The following MEMO1 variants were observed in gnomAD, a reference collection of about 807,000 sequenced individuals.
MEMO1 encodes protein MEMO1.
MEMO1 carries 6 observed loss-of-function variants against 45.2 expected under a neutral mutation model. The ratio of observed to expected loss-of-function variants is 0.13; its 90% CI spans 0.07 to 0.26. The LOEUF (loss-of-function observed/expected upper bound fraction) is 0.26, where lower values mean the gene tolerates loss of function less well. Ranked by LOEUF, MEMO1 falls within the 10% of genes least tolerant of loss-of-function variation. MEMO1 has a pLI of 1.00. For synonymous variants in MEMO1, 78 were observed against 124.3 expected, an observed-to-expected ratio of 0.63 and a Z score of 2.48; for missense variants, 184 against 370.5, an observed-to-expected ratio of 0.50 and a Z score of 4.13.
intron 4 of MEMO1, among the ~76,000 whole-genome samples, chr2:31,928,383 A>T (rs1683427685): frequency 6.6e-6 from 1 of 152,102 alleles, no homozygotes; most frequent in Admixed American, 6.5e-5. Context: ...TCTCTACTAA[A>T]AATAAAAAAA....
intron 4 of MEMO1, among the ~76,000 whole-genome samples, chr2:31,931,593 T>C (rs1481413422): frequency 4.6e-5 from 7 of 152,138 alleles, no homozygotes; most frequent in Non-Finnish European, 8.8e-5. Flanking sequence ...CATTGAATTA[T>C]TAAGAGTTAA....
At chr2:31,926,604 T>G (rs556090941) in intron 4 of MEMO1, among the ~76,000 whole-genome samples, 66 of 152,108 alleles carry the variant, frequency 4.3e-4, no homozygotes, top group Non-Finnish European at 8.2e-4. Context: ...ATCCCAGCAC[T>G]TTGGGAGGCC....
intron 2 of MEMO1, among the ~76,000 whole-genome samples, chr2:31,996,285 C>A (rs1157000609): frequency 6.6e-6 from 1 of 151,972 alleles, no homozygotes; most frequent in East Asian, 1.9e-4. Flanking sequence ...CGGTGGCTCA[C>A]ACCTGTAATC....
At chr2:31,945,986 G>A (rs1666149329) in intron 2 of MEMO1, among the ~76,000 whole-genome samples, 1 of 152,112 alleles carries the variant, frequency 6.6e-6, no homozygotes, top group Non-Finnish European at 1.5e-5. Context: ...CATTCTTTTG[G>A]TCTTTGCAAT....
intron 6 of MEMO1, among the ~76,000 whole-genome samples, chr2:31,908,859 T>C (rs765200083): frequency 1.3e-5 from 2 of 152,190 alleles, no homozygotes; most frequent in Non-Finnish European, 2.9e-5. Flanking sequence ...TCCAGCCCCC[T>C]CCAGCCTTCT....
intron 9 of MEMO1, among the ~76,000 whole-genome samples, chr2:31,869,465 T>C (rs1289440934): frequency 2.0e-5 from 3 of 152,026 alleles, no homozygotes; most frequent in African/African-American, 7.2e-5. Context: ...ACATTTAAAG[T>C]TTAAGAGCAG....
At chr2:31,898,964 A>G (rs190100632) in intron 6 of MEMO1, among the ~76,000 whole-genome samples, 163 of 152,254 alleles carry the variant, frequency 1.1e-3, no homozygotes, top group African/African-American at 3.6e-3. Flanking sequence ...ACCATTATGT[A>G]ATGGCCTTCT....
At chr2:31,996,099 A>G (rs907411259) in intron 2 of MEMO1, among the ~76,000 whole-genome samples, 1 of 152,072 alleles carries the variant, frequency 6.6e-6, no homozygotes, top group African/African-American at 2.4e-5. Context: ...TATAAAATCA[A>G]AAATACATAA....
chr2:32,005,257 C>T (rs1364652617), intron 2 of MEMO1, among the ~76,000 whole-genome samples: 2 of 144,612 alleles, frequency 1.4e-5, no homozygotes, highest in Non-Finnish European at 3.0e-5. Context: ...GAAGTTGAGG[C>T]TGCAGTGAGC....
At chr2:31,913,528 T>C (rs1055521020) in intron 6 of MEMO1, among the ~76,000 whole-genome samples, 1 of 151,886 alleles carries the variant, frequency 6.6e-6, no homozygotes, top group African/African-American at 2.4e-5. Context: ...TTTTTTTTTT[T>C]TTTTATTTTT....
chr2:31,931,029 T>C (rs1027013106), intron 4 of MEMO1, among the ~76,000 whole-genome samples: 1 of 152,078 alleles, frequency 6.6e-6, no homozygotes, highest in Non-Finnish European at 1.5e-5. Context: ...ATATTAAGCA[T>C]GTATCAAGGA....
chr2:31,914,940 G>GA (rs1681198966), intron 6 of MEMO1, among the ~76,000 whole-genome samples: 1 of 135,298 alleles, frequency 7.4e-6, no homozygotes, highest in African/African-American at 2.8e-5. Flanking sequence ...CTGGGTGACA[G>GA]AATGAGACCC....
At chr2:31,963,530 C>A (rs773053988) in intron 2 of MEMO1, among the ~76,000 whole-genome samples, 1 of 152,146 alleles carries the variant, frequency 6.6e-6, no homozygotes, top group Non-Finnish European at 1.5e-5. Context: ...ATTATTTATC[C>A]TTTTTCTATA....
chr2:31,987,718 AATG>A (rs1378109184), intron 2 of MEMO1, among the ~76,000 whole-genome samples: 1 of 152,198 alleles, frequency 6.6e-6, no homozygotes, highest in Non-Finnish European at 1.5e-5. Flanking sequence ...CAAAAATGAT[AATG>A]ATGATATCAT....
chr2:31,903,470 C>T (rs992029851), intron 6 of MEMO1, among the ~76,000 whole-genome samples: 4 of 152,100 alleles, frequency 2.6e-5, no homozygotes, highest in African/African-American at 7.2e-5. Flanking sequence ...AAAATCTTTA[C>T]GCTGATAAAA....
chr2:31,881,156 A>T (rs1675303035), intron 8 of MEMO1, among the ~76,000 whole-genome samples: 1 of 152,168 alleles, frequency 6.6e-6, no homozygotes. Flanking sequence ...AATTATATTT[A>T]AAAATTCTGT....
intron 6 of MEMO1, among the ~76,000 whole-genome samples, chr2:31,913,380 T>C (rs1027214846): frequency 1.3e-5 from 2 of 151,920 alleles, no homozygotes; most frequent in Non-Finnish European, 2.9e-5. Flanking sequence ...CAAGAACTGA[T>C]TAAAGCATTA....
intron 3 of MEMO1, among the ~76,000 whole-genome samples, chr2:31,938,993 C>T (rs775071226): frequency 1.3e-4 from 20 of 151,598 alleles, no homozygotes; most frequent in Non-Finnish European, 2.4e-4. Context: ...CCATGTTGCA[C>T]AGGCTAGTCT....
intron 4 of MEMO1, among the ~76,000 whole-genome samples, chr2:31,928,797 CTT>C (rs1683509646): frequency 6.6e-6 from 1 of 152,040 alleles, no homozygotes; most frequent in South Asian, 2.1e-4. Flanking sequence ...AGTACATTCT[CTT>C]TTTTCCCAAT....
Sources: gnomAD v4.1 joint callset for allele counts (sites outside exome capture counted in the v4.1 genomes callset) on GRCh38, gnomAD v4.1.1 for gene constraint, MANE v1.5 for transcripts, NCBI Gene and HGNC (gene_info 2026-07-23, HGNC 2026-07-21) for gene names.